PPP2R5A: variants seen among roughly 807,000 people sequenced by gnomAD.
The protein encoded by PPP2R5A is serine/threonine-protein phosphatase 2A 56 kDa regulatory subunit alpha isoform.
Under a neutral mutation model 64.2 loss-of-function variants are expected in PPP2R5A, and 25 were observed. The ratio of observed to expected loss-of-function variants is 0.39; its 90% CI spans 0.28 to 0.54. The LOEUF is 0.54. PPP2R5A is among the 20% of genes least tolerant of loss of function. PPP2R5A has a pLI of 0.67. For missense variants in PPP2R5A, 425 were observed against 576.3 expected (o/e 0.74, Z 2.69); for synonymous variants, 198 against 201.2 (o/e 0.98, Z 0.13).
chr1:212,326,242 GTTT>G (rs35314006), intron 1 of PPP2R5A, among the ~76,000 whole-genome samples: 1 of 143,106 alleles, frequency 7.0e-6, no homozygotes, highest in African/African-American at 2.6e-5. Flanking sequence ...CAAATTCAAT[GTTT>G]TTTTTTTTTT....
intron 8 of PPP2R5A, among the ~76,000 whole-genome samples, chr1:212,350,386 G>A (rs1347707056): frequency 6.6e-6 from 1 of 152,156 alleles, no homozygotes; most frequent in Non-Finnish European, 1.5e-5. Context: ...GTGTGCAGTG[G>A]CTCACAACTG....
intron 6 of PPP2R5A, 128 bp downstream of exon 6, chr1:212,347,534 A>G: frequency 1.5e-6 from 1 of 688,162 alleles, no homozygotes; most frequent in East Asian, 3.1e-5. Context: ...TAGTTTCTCA[A>G]CTGAAGTCTT....
chr1:212,299,986 T>G lies in PPP2R5A; in HGVS notation c.181+13695T>G, dbSNP rs566085757. Among the ~76,000 whole-genome samples the G allele has an allele frequency of 4.4e-4, 67 of 152,278 alleles. 1 individual carries two copies. The highest frequency in any genetic ancestry group is 1.6e-3 in the African/African-American group (65 of 41,550). On this transcript the variant is annotated intron_variant, in intron 1 of 12. Coordinates refer to ENST00000261461, the MANE Select transcript of PPP2R5A (RefSeq NM_006243.4). ...CGCCACCACAGCCAGCTAATTTTTGTATTTTTAGTAGATAACGGGGTTTTG... is the reference window on the plus strand; with the variant it reads ...CGCCACCACAGCCAGCTAATTTTTGGATTTTTAGTAGATAACGGGGTTTTG...
At chr1:212,307,483 G>A (rs911022969) in intron 1 of PPP2R5A, among the ~76,000 whole-genome samples, 5 of 151,708 alleles carry the variant, frequency 3.3e-5, no homozygotes, top group African/African-American at 1.2e-4. Context: ...ACCATCAGTA[G>A]TTATTTCTTT....
At chr1:212,288,143 A>G (rs530028218) in intron 1 of PPP2R5A, among the ~76,000 whole-genome samples, 17 of 152,142 alleles carry the variant, frequency 1.1e-4, no homozygotes, top group African/African-American at 2.7e-4. Flanking sequence ...CAGCCTCCCA[A>G]CTAGCTGGGA....
At chr1:212,321,816 C>CT (rs1659301204) in intron 1 of PPP2R5A, among the ~76,000 whole-genome samples, 1 of 151,520 alleles carries the variant, frequency 6.6e-6, no homozygotes, top group Non-Finnish European at 1.5e-5. Flanking sequence ...AATCTCGGCA[C>CT]TTTGCGGGGC....
At chr1:212,291,779 G>T (rs1242799324) in intron 1 of PPP2R5A, among the ~76,000 whole-genome samples, 1 of 152,132 alleles carries the variant, frequency 6.6e-6, no homozygotes, top group Middle Eastern at 3.2e-3. Context: ...TGATTCTACT[G>T]GTTTATTGTC....
In PPP2R5A at chr1:212,349,183, T is replaced by C; in HGVS notation, c.874-6T>C. 6.5e-7 allele frequency: 1 copy of C among 1,532,152 alleles called. No individual in the cohort carries two copies. The highest frequency in any genetic ancestry group is 1.2e-5 in the South Asian group (1 of 81,172). 94.9% of individuals were successfully genotyped at this position (1,532,152 alleles called of 1,614,324 possible). A position where few individuals can be genotyped will look rare whatever the true frequency, so the allele number is the denominator to read the frequency against. On this transcript the variant is annotated splice_region_variant and splice_polypyrimidine_tract_variant and intron_variant, in intron 7 of 12. Transcript: ENST00000261461. ...TAATATTTATAAACTGTCCCTTACC[T>C]TTTAGCTAGCATATTGTGTTGTACA...
At chr1:212,306,772 T>TATTG (rs1179054041) in intron 1 of PPP2R5A, 1 of 149,718 alleles carries the variant, frequency 6.7e-6, no homozygotes, top group African/African-American at 2.5e-5. Flanking sequence ...TTTATTTATT[T>TATTG]ATTGAAACAG....
intron 1 of PPP2R5A, chr1:212,319,461 A>G (rs1659219879): frequency 6.6e-6 from 1 of 152,238 alleles, no homozygotes; most frequent in South Asian, 2.1e-4. Context: ...TGGATAATCA[A>G]CATCAGCCCA....
chr1:212,309,417 G>A (rs1571582651), intron 1 of PPP2R5A: 1 of 1,269,842 alleles, frequency 7.9e-7, no homozygotes, highest in South Asian at 1.2e-5. Flanking sequence ...TTTTTTTGTG[G>A]CTGTGGACAC....
chr1:212,322,033 C>G (rs570765797), intron 1 of PPP2R5A, among the ~76,000 whole-genome samples: 2 of 151,346 alleles, frequency 1.3e-5, no homozygotes, highest in African/African-American at 4.9e-5. Context: ...CAAAAAAATA[C>G]GAAAACCAGT....
At chr1:212,324,705 C>T (rs1434077244) in intron 1 of PPP2R5A, among the ~76,000 whole-genome samples, 2 of 151,748 alleles carry the variant, frequency 1.3e-5, no homozygotes, top group African/African-American at 4.8e-5. Flanking sequence ...CCCGGGTTCA[C>T]GCCATTCTTC....
chr1:212,304,900 T>G (rs895168530), intron 1 of PPP2R5A, among the ~76,000 whole-genome samples: 19 of 150,898 alleles, frequency 1.3e-4, no homozygotes, highest in African/African-American at 4.4e-4. Flanking sequence ...GCCTGGCTAA[T>G]TTTTGTATTG....
chr1:212,303,014 C>A (rs1473730240), intron 1 of PPP2R5A, among the ~76,000 whole-genome samples: 1 of 152,082 alleles, frequency 6.6e-6, no homozygotes, highest in South Asian at 2.1e-4. Flanking sequence ...CATTTCAGTT[C>A]TTTCTACTGT....
intron 1 of PPP2R5A, among the ~76,000 whole-genome samples, chr1:212,288,401 G>A (rs1056177910): frequency 3.3e-5 from 5 of 152,322 alleles, no homozygotes; most frequent in Admixed American, 3.3e-4. Flanking sequence ...CAAGTTGAAG[G>A]TGCCATATAG....
intron 3 of PPP2R5A, among the ~76,000 whole-genome samples, chr1:212,339,833 G>C (rs1346113127): frequency 6.6e-6 from 1 of 151,956 alleles, no homozygotes; most frequent in Non-Finnish European, 1.5e-5. Context: ...AGAAGGGAGA[G>C]TAAATAGGCT....
rs180845538 is a variant in PPP2R5A at position 212,314,946 on chromosome 1, G to T, written c.182-14189G>T. 1.1e-3 allele frequency among the ~76,000 whole-genome samples: 166 copies of T among 152,078 alleles called. 2 individuals carry two copies. The East Asian group carries it at 0.014, about 13-fold the overall frequency. On this transcript the variant is annotated intron_variant, in intron 1 of 12. Coordinates refer to ENST00000261461, the MANE Select transcript of PPP2R5A (RefSeq NM_006243.4). ...GGTCTTCAACTCCTGGGCTCAAGCA[G>T]TTCTCCTGCCTCAGCCTCCCAAAGT...
intron 5 of PPP2R5A, among the ~76,000 whole-genome samples, chr1:212,346,888 T>C (rs1659784816): frequency 6.6e-6 from 1 of 152,216 alleles, no homozygotes; most frequent in Non-Finnish European, 1.5e-5. Context: ...ATTATATTTA[T>C]GTCTCCCTGC....
Sources: allele counts gnomAD v4.1 joint callset (sites outside exome capture counted in the v4.1 genomes callset), GRCh38; gene constraint gnomAD v4.1.1; transcripts MANE v1.5; gene names NCBI Gene and HGNC (gene_info 2026-07-23, HGNC 2026-07-21).